The following COQ8B variants were observed in gnomAD, a reference collection of about 807,000 sequenced individuals.
COQ8B encodes the protein atypical kinase COQ8B, mitochondrial.
A neutral mutation model predicts 62.0 loss-of-function variants in COQ8B; 44 were observed. The ratio of observed to expected loss-of-function variants is 0.71; its 90% CI spans 0.56 to 0.91. COQ8B has a LOEUF of 0.91. Ranked by LOEUF, COQ8B falls within the 40% of genes least tolerant of loss-of-function variation. The pLI is 0.00. For synonymous variants in COQ8B, 252 were observed against 289.9 expected, an observed-to-expected ratio of 0.87 and a Z score of 1.33; for missense variants, 649 against 731.6, an observed-to-expected ratio of 0.89 and a Z score of 1.30.
At chr19:40,692,524 T>G in intron 14 of COQ8B, 151 bp from the exon 15 acceptor site, 1 of 690,622 alleles carries the variant, frequency 1.4e-6, no homozygotes, top group Non-Finnish European at 2.4e-6. Flanking sequence ...CTTCCACTCC[T>G]TCCAGAGCCT....
intron 12 of COQ8B, among the ~76,000 whole-genome samples, chr19:40,697,847 T>TAGAGAGAGAGAGAGAG (rs1349238558): frequency 1.6e-4 from 9 of 56,892 alleles, no homozygotes; most frequent in African/African-American, 7.6e-4. Context: ...TATATATATA[T>TAGAGAGAGAGAGAGAG]ATATAGAGAG....
intron 14 of COQ8B, 59 bp downstream of exon 14, chr19:40,692,892 G>GC: frequency 2.0e-6 from 3 of 1,481,074 alleles, no homozygotes; most frequent in Non-Finnish European, 2.8e-6. Context: ...GAGATAAGCA[G>GC]CCCCCCACTG....
intron 11 of COQ8B, 37 bp from the exon 12 acceptor site, chr19:40,700,211 TCTCCCTTGTGGTGCCA>T: frequency 1.9e-6 from 3 of 1,613,768 alleles, no homozygotes; most frequent in Non-Finnish European, 2.5e-6. Context: ...CTCAGTGTGA[TCTCCCTTGTGGTGCCA>T]CTGCTGGCCT....
At chr19:40,704,189 G>C (rs1344103430) in intron 7 of COQ8B, 1 of 203,758 alleles carries the variant, frequency 4.9e-6, no homozygotes, top group East Asian at 1.4e-4. Context: ...TTGTTCTGTA[G>C]CCCAGGCTGG....
At chr19:40,715,096 C>G in intron 1 of COQ8B, 26 of 988,304 alleles carry the variant, frequency 2.6e-5, no homozygotes, top group Non-Finnish European at 3.1e-5. Flanking sequence ...TGGGGCCCTC[C>G]TGTGCTTCCG....
rs1235367235 is a variant in COQ8B, at chr19:40,710,156, C to T, written c.290-20G>A. ...CCAGTCCTGGAGTGCAAGAGAAGAA[C>T]ATGAGTGCCCGTTTGCCTGGGGTGC... On this transcript the variant is annotated intron_variant, in intron 4 of 14. Transcript: ENST00000324464. 1.2e-6 allele frequency: 2 copies of T among 1,613,258 alleles called. No homozygotes were observed. Among genetic ancestry groups the T allele is most frequent in the Non-Finnish European group, 1.7e-6 (2 of 1,179,254 alleles).
rs1242234253 is a variant in COQ8B at position 40,692,372 on chromosome 19, GC to G, written c.1297del (p.Ala433HisfsTer10). 4.3e-6 allele frequency: 7 copies of G among 1,612,624 alleles called. No homozygotes were observed. The highest frequency in any genetic ancestry group is 5.9e-6 in the Non-Finnish European group (7 of 1,179,754). On this transcript the variant is annotated frameshift_variant and splice_region_variant, in exon 15 of 15. Transcript: ENST00000324464. LOFTEE classifies it low-confidence loss of function (END_TRUNC). ...LKFLTGFETK[A>X]FSDAHVEAVM... The stretch of plus-strand genomic sequence containing the variant: ...TGCCTCCACGTGGGCGTCGGAGAAT[GC>G]CTGGGAGTGGGGGTGGGGGGAGAGC...
At chr19:40,712,413 A>G (rs199712075) in intron 4 of COQ8B, among the ~76,000 whole-genome samples, 2,032 of 101,860 alleles carry the variant, frequency 0.02, 44 homozygotes, top group African/African-American at 0.094. Flanking sequence ...TCTCCCTAAG[A>G]AAAAAAAAAA....
chr19:40,703,395 G>T, intron 9 of COQ8B, 146 bp downstream of exon 9: 1 of 804,684 alleles, frequency 1.2e-6, no homozygotes, highest in Non-Finnish European at 1.9e-6. Context: ...GGCTCTCCCC[G>T]CCTTGGTGTC....
At position 40,700,307 on chromosome 19, in the gene COQ8B, T is replaced by TA. The variant is rs760950087; in HGVS notation, c.1035+2dup. On this transcript the variant is annotated splice_region_variant and intron_variant, in intron 11 of 14. Coordinates refer to ENST00000324464, the MANE Select transcript of COQ8B (RefSeq NM_024876.4). ...CTTCCCACTGTGCCACCAGACAGCA[T>TA]ACCTGGTTCCGCAGGTCCTGGCTTA... is the stretch of plus-strand genomic sequence containing the variant. 1 of 1,613,482 alleles carries TA rather than the reference T, an allele frequency of 6.2e-7. No individual in the cohort carries two copies. Among genetic ancestry groups the TA allele is most frequent in the South Asian group, 1.1e-5 (1 of 91,050 alleles).
At position 40,703,620 on chromosome 19, in the gene COQ8B, G is replaced by T; in HGVS notation, c.720C>A (p.Tyr240Ter). The change falls in exon 9 of 15, where the codon TAC becomes TAA. Residue 240 changes from tyrosine (Y) to a stop codon, truncating the protein, a stop_gained and splice_region_variant. Transcript: ENST00000324464. LOFTEE classifies it high-confidence loss of function. Reference sequence around the variant, plus strand: ...TCTGAATGCTCTGGGCTATGCCGGGGTACTGTAAAGGGAGAAGGGAGGGAG... The same window carrying T: ...TCTGAATGCTCTGGGCTATGCCGGGTTACTGTAAAGGGAGAAGGGAGGGAG... ...DGTEVAVKIQ[Y>*]PGIAQSIQSD... 6.2e-7 allele frequency: 1 copy of T among 1,612,922 alleles called. No homozygotes were observed. The highest frequency in any genetic ancestry group is 8.5e-7 in the Non-Finnish European group (1 of 1,179,220).
intron 4 of COQ8B, among the ~76,000 whole-genome samples, chr19:40,713,762 T>C (rs1599640874): frequency 6.8e-6 from 1 of 147,466 alleles, no homozygotes; most frequent in African/African-American, 2.6e-5. Flanking sequence ...TGCACAACTG[T>C]GGTCCCAGCT....
intron 13 of COQ8B, 50 bp downstream of exon 13, chr19:40,695,939 T>C (rs759722843): frequency 3.8e-6 from 6 of 1,575,978 alleles, no homozygotes; most frequent in South Asian, 2.2e-5. Context: ...CCTCAGTATA[T>C]GGCTTGAGCC....
At chr19:40,696,226 C>T (rs1055431463) in intron 12 of COQ8B, among the ~76,000 whole-genome samples, 172 bp from the exon 13 acceptor site, 1 of 151,504 alleles carries the variant, frequency 6.6e-6, no homozygotes, top group African/African-American at 2.5e-5. Flanking sequence ...AACCGACCCC[C>T]TAGCTGAAGG....
Position 40,714,615 on chromosome 19 carries a change from C to A in COQ8B, c.18G>T (p.Gly6=). The A allele has an allele frequency of 1.2e-6, 2 of 1,609,694 alleles. No homozygotes were observed. The highest frequency in any genetic ancestry group is 2.2e-5 in the South Asian group (2 of 90,672). The change falls in exon 2 of 15, where the codon GGG becomes GGT. Residue 6 remains glycine, a synonymous_variant. Coordinates refer to ENST00000324464, the MANE Select transcript of COQ8B (RefSeq NM_024876.4). ...GTCCACCGGTCCCCCGAAGTAGGCC[C>A]CCCACCTTCAGCCACATTGCCTGGA... MWLKV[G]GLLRGTGGQL...
rs2081973022 is a variant in COQ8B at position 40,691,646 on chromosome 19, G to A, written c.*389C>T. The A allele has an allele frequency of 6.1e-6, 1 of 163,280 alleles. No individual in the cohort carries two copies. The highest frequency in any genetic ancestry group is 1.3e-5 in the Non-Finnish European group (1 of 75,832). 10.1% of individuals were successfully genotyped at this position (163,280 alleles called of 1,614,324 possible). On this transcript the variant is annotated 3_prime_UTR_variant, in exon 15 of 15. Coordinates refer to ENST00000324464, the MANE Select transcript of COQ8B (RefSeq NM_024876.4). ...GGGAGAAGGCAGCTGTTGGAGGAGC[G>A]AGGGAGGCAGAGGTGAGGACTGCCT...
At chr19:40,697,876 A>T (rs5027811) in intron 12 of COQ8B, among the ~76,000 whole-genome samples, 16 of 71,234 alleles carry the variant, frequency 2.2e-4, no homozygotes, top group Non-Finnish European at 2.0e-4. Context: ...AGAGAGAGAG[A>T]GTTTCTACTG....
chr19:40,695,479 C>T (rs944833248), intron 13 of COQ8B, among the ~76,000 whole-genome samples: 7 of 152,212 alleles, frequency 4.6e-5, no homozygotes, highest in African/African-American at 1.7e-4. Context: ...GTGGGAGAGA[C>T]GAGCCAAGTA....
chr19:40,698,292 TAA>T (rs889484186), intron 12 of COQ8B, among the ~76,000 whole-genome samples: 2 of 132,600 alleles, frequency 1.5e-5, no homozygotes, highest in Non-Finnish European at 3.3e-5. Flanking sequence ...ATCTATTCCA[TAA>T]AAAAAAAAAA....
Sources: allele counts gnomAD v4.1 joint callset (sites outside exome capture counted in the v4.1 genomes callset), GRCh38; gene constraint gnomAD v4.1.1; transcripts MANE v1.5; gene names NCBI Gene and HGNC (gene_info 2026-07-23, HGNC 2026-07-21).